PLCXD3: variants seen among roughly 807,000 people sequenced by gnomAD.
The protein encoded by PLCXD3 is phosphatidylinositol specific phospholipase C X domain containing 3.
PLCXD3 carries 19 observed loss-of-function variants against 25.5 expected under a neutral mutation model. The observed-to-expected ratio is 0.75, with a 90% CI of 0.52 to 1.09. PLCXD3 has a LOEUF of 1.09. PLCXD3 is among the 50% of genes least tolerant of loss of function. PLCXD3 has a pLI of 0.00. For missense variants in PLCXD3, 411 were observed against 388.1 expected (o/e 1.06, Z -0.50); for synonymous variants, 174 against 137.6 (o/e 1.26, Z -1.85).
At chr5:41,465,614 C>A (rs1748001352) in intron 1 of PLCXD3, among the ~76,000 whole-genome samples, 1 of 151,694 alleles carries the variant, frequency 6.6e-6, no homozygotes, top group Admixed American at 6.6e-5. Flanking sequence ...AATAAAAGAA[C>A]TTGAGGTTGA....
At chr5:41,416,585 T>C (rs1746699785) in intron 1 of PLCXD3, among the ~76,000 whole-genome samples, 1 of 152,168 alleles carries the variant, frequency 6.6e-6, no homozygotes, top group Admixed American at 6.5e-5. Flanking sequence ...CCACTCAGCA[T>C]CCTCTTTTGC....
At chr5:41,477,215 A>G (rs556660915) in intron 1 of PLCXD3, among the ~76,000 whole-genome samples, 1 of 152,248 alleles carries the variant, frequency 6.6e-6, no homozygotes, top group Middle Eastern at 3.4e-3. Context: ...ATGTTACCCT[A>G]ACAGTATAGA....
Position 41,310,553 on chromosome 5 carries a change from A to G in PLCXD3, c.*3064T>C, listed in dbSNP as rs1743109509. 1 of 152,540 alleles carries G rather than the reference A, an allele frequency of 6.6e-6. No homozygotes were observed. Among genetic ancestry groups the G allele is most frequent in the African/African-American group, 2.4e-5 (1 of 41,432 alleles). 9.4% of individuals were successfully genotyped at this position (152,540 alleles called of 1,614,324 possible). The stretch of plus-strand genomic sequence containing the variant: ...AAAAGACAATGCCCAGCTGAGACAA[A>G]TGTGCATAGGCTAAGGATAAGCTTC... On this transcript the variant is annotated 3_prime_UTR_variant, in exon 3 of 3. Coordinates refer to ENST00000377801, the MANE Select transcript of PLCXD3 (RefSeq NM_001005473.3).
In PLCXD3 at chr5:41,505,652, AGAT is replaced by A. The variant is rs1277685947; in HGVS notation, c.103+4769_103+4771del. On this transcript the variant is annotated intron_variant, in intron 1 of 2. Transcript: ENST00000377801. ...GGCATTAGAGATCACTAGCATTACCAGATGAGCTGATTTTAAGTGCTATCGATG... is the reference window on the plus strand; with the variant it reads ...GGCATTAGAGATCACTAGCATTACCAGAGCTGATTTTAAGTGCTATCGATG... 1.2e-4 allele frequency among the ~76,000 whole-genome samples: 19 copies of A among 152,382 alleles called. No homozygotes were observed. In the East Asian group the frequency reaches 2.9e-3, roughly 23 times the overall value.
At chr5:41,493,253 A>C (rs1448839575) in intron 1 of PLCXD3, among the ~76,000 whole-genome samples, 1 of 152,134 alleles carries the variant, frequency 6.6e-6, no homozygotes, top group African/African-American at 2.4e-5. Flanking sequence ...GCAGATTTTC[A>C]TGAACCGCGA....
intron 1 of PLCXD3, among the ~76,000 whole-genome samples, chr5:41,500,242 A>G (rs1748924105): frequency 6.6e-6 from 1 of 151,980 alleles, no homozygotes; most frequent in African/African-American, 2.4e-5. Flanking sequence ...ATATTCAGCC[A>G]CAAAAAATAA....
chr5:41,485,243 T>C (rs902513873), intron 1 of PLCXD3, among the ~76,000 whole-genome samples: 1 of 151,808 alleles, frequency 6.6e-6, no homozygotes, highest in Non-Finnish European at 1.5e-5. Context: ...TATCTTAGAG[T>C]GAAAAAATGT....
chr5:41,374,920 G>A (rs1745240983), intron 2 of PLCXD3, among the ~76,000 whole-genome samples: 1 of 152,086 alleles, frequency 6.6e-6, no homozygotes, highest in South Asian at 2.1e-4. Context: ...TTGAACAGCT[G>A]ACTTTGAACC....
rs78256336 is a variant in PLCXD3, at chr5:41,430,027, A to G, written c.104-47493T>C. Among the ~76,000 whole-genome samples, 397 of 152,284 alleles carry G rather than the reference A, an allele frequency of 2.6e-3. 3 individuals carry two copies. Among genetic ancestry groups the G allele is most frequent in the African/African-American group, 8.4e-3 (351 of 41,566 alleles). ...TGCCAAGTTACCAAGGCATCTCCCA[A>G]TGATCTAAAACAAAAGGGCAAATTG... On this transcript the variant is annotated intron_variant, in intron 1 of 2. Transcript: ENST00000377801.
chr5:41,441,980 T>C (rs555981990), intron 1 of PLCXD3, among the ~76,000 whole-genome samples: 3 of 152,338 alleles, frequency 2.0e-5, no homozygotes, highest in African/African-American at 7.2e-5. Flanking sequence ...ACTCTGTTTG[T>C]AAAAGCAAAA....
chr5:41,476,455 T>C (rs1382813771), intron 1 of PLCXD3, among the ~76,000 whole-genome samples: 1 of 152,164 alleles, frequency 6.6e-6, no homozygotes, highest in Non-Finnish European at 1.5e-5. Context: ...CCAGGTAGAG[T>C]ATGCCTCCCT....
In PLCXD3 at chr5:41,312,596, T is replaced by G. The variant is rs1743161131; in HGVS notation, c.*1021A>C. On this transcript the variant is annotated 3_prime_UTR_variant, in exon 3 of 3. Transcript: ENST00000377801. ...CTCCCTCCCTCCCTCTCTTCCTTCC[T>G]TCCTTCCTCCCTTCCTTCCTTCCTC... 1 of 137,830 alleles carries G rather than the reference T, an allele frequency of 7.3e-6. No individual in the cohort carries two copies. Among genetic ancestry groups the G allele is most frequent in the Non-Finnish European group, 1.6e-5 (1 of 63,850 alleles). 8.5% of individuals were successfully genotyped at this position (137,830 alleles called of 1,614,324 possible).
rs1024487173 is a variant in PLCXD3 at position 41,487,851 on chromosome 5, A to C, written c.103+22573T>G. ...AGGTGAAAGGAGTTGAGGTCAGAAA[A>C]ATAGACAAGAACCAATAAGTTTAGT... On this transcript the variant is annotated intron_variant, in intron 1 of 2. Transcript: ENST00000377801. Among the ~76,000 whole-genome samples, 12 of 152,282 alleles carry C rather than the reference A, an allele frequency of 7.9e-5. No individual in the cohort carries two copies. The East Asian group carries it at 9.6e-4, about 12-fold the overall frequency.
chr5:41,498,971 A>C (rs1748895658), intron 1 of PLCXD3, among the ~76,000 whole-genome samples: 1 of 151,608 alleles, frequency 6.6e-6, no homozygotes, highest in Non-Finnish European at 1.5e-5. Context: ...ATGATAAAAA[A>C]CGCTCAACAA....
chr5:41,385,027 A>T (rs985135952), intron 1 of PLCXD3, among the ~76,000 whole-genome samples: 3 of 152,138 alleles, frequency 2.0e-5, no homozygotes, highest in Admixed American at 2.0e-4. Context: ...GTGTTGGCTA[A>T]AAAATGAATA....
At chr5:41,460,125 T>C (rs1192543315) in intron 1 of PLCXD3, among the ~76,000 whole-genome samples, 5 of 151,914 alleles carry the variant, frequency 3.3e-5, no homozygotes, top group Non-Finnish European at 5.9e-5. Flanking sequence ...AACATAATGG[T>C]TCCCAGTCTC....
intron 2 of PLCXD3, among the ~76,000 whole-genome samples, chr5:41,327,197 A>G (rs1417586185): frequency 6.6e-6 from 1 of 152,184 alleles, no homozygotes; most frequent in Non-Finnish European, 1.5e-5. Flanking sequence ...TGGGCATGAA[A>G]GAGATGATGC....
chr5:41,482,966 T>G (rs1239318486), intron 1 of PLCXD3, among the ~76,000 whole-genome samples: 1 of 152,192 alleles, frequency 6.6e-6, no homozygotes, highest in Non-Finnish European at 1.5e-5. Context: ...GCCATTCTAG[T>G]TTCTATTTCT....
intron 1 of PLCXD3, among the ~76,000 whole-genome samples, chr5:41,469,769 G>T (rs1012245153): frequency 6.6e-6 from 1 of 152,170 alleles, no homozygotes; most frequent in Non-Finnish European, 1.5e-5. Context: ...TACCATTGTG[G>T]TAGGCAGGCA....
Sources: gnomAD v4.1 joint callset for allele counts (sites outside exome capture counted in the v4.1 genomes callset) on GRCh38, gnomAD v4.1.1 for gene constraint, MANE v1.5 for transcripts, NCBI Gene and HGNC (gene_info 2026-07-23, HGNC 2026-07-21) for gene names.